The following MTUS2 variants were observed in gnomAD, a reference collection of about 807,000 sequenced individuals.
MTUS2 encodes microtubule-associated tumor suppressor candidate 2.
MTUS2 carries 40 observed loss-of-function variants against 114.1 expected under a neutral mutation model. That is an observed-to-expected ratio of 0.35 (90% CI 0.27 to 0.46). MTUS2 has a LOEUF of 0.46. Ranked by LOEUF, MTUS2 falls within the 20% of genes least tolerant of loss-of-function variation. The probability of loss-of-function intolerance (pLI) is 1.00; values close to 1 mark genes in which losing one functional copy is unlikely to be tolerated. For missense variants in MTUS2, 1,679 were observed against 1,705.4 expected (o/e 0.98, Z 0.27); for synonymous variants, 688 against 672.0 (o/e 1.02, Z -0.37).
chr13:29,169,049 C>A (rs1758083691), intron 5 of MTUS2, among the ~76,000 whole-genome samples: 1 of 152,104 alleles, frequency 6.6e-6, no homozygotes, highest in African/African-American at 2.4e-5. Context: ...TTGTGACCTG[C>A]CCAAAAACTT....
intron 2 of MTUS2, among the ~76,000 whole-genome samples, chr13:28,934,690 A>G (rs754864571): frequency 1.3e-5 from 2 of 152,110 alleles, no homozygotes; most frequent in East Asian, 1.9e-4. Context: ...TGCCTTGCTA[A>G]TTTGGTATTT....
At chr13:28,870,951 G>A (rs899002278) in intron 2 of MTUS2, among the ~76,000 whole-genome samples, 30 of 152,148 alleles carry the variant, frequency 2.0e-4, no homozygotes, top group Non-Finnish European at 3.1e-4. Flanking sequence ...TAGCAAAGGA[G>A]GGAATTTTGG....
chr13:28,831,736 TCTTC>T (rs950396733), intron 1 of MTUS2, among the ~76,000 whole-genome samples: 8 of 150,936 alleles, frequency 5.3e-5, no homozygotes, highest in African/African-American at 1.7e-4. Flanking sequence ...TTCCTTCCTT[TCTTC>T]CTTCCTTCCT....
chr13:29,060,062 C>T (rs1259297540), intron 4 of MTUS2, among the ~76,000 whole-genome samples: 2 of 152,228 alleles, frequency 1.3e-5, no homozygotes, highest in Non-Finnish European at 2.9e-5. Flanking sequence ...GCTGCAGCTG[C>T]CAGCCAAGTT....
intron 7 of MTUS2, among the ~76,000 whole-genome samples, chr13:29,325,487 A>AGG (rs1460957029): frequency 2.5e-5 from 3 of 122,334 alleles, no homozygotes; most frequent in Non-Finnish European, 3.4e-5. Context: ...AAGAAGAGGA[A>AGG]GAGGGAGGAG....
chr13:28,972,194 G>A (rs1260158571), intron 2 of MTUS2, among the ~76,000 whole-genome samples: 1 of 152,188 alleles, frequency 6.6e-6, no homozygotes, highest in Non-Finnish European at 1.5e-5. Flanking sequence ...TATTTGGAAG[G>A]TGAGGAGGGT....
intron 2 of MTUS2, among the ~76,000 whole-genome samples, chr13:28,886,041 G>A (rs1456315719): frequency 6.6e-6 from 1 of 152,124 alleles, no homozygotes; most frequent in Non-Finnish European, 1.5e-5. Flanking sequence ...GAGTCTCCAA[G>A]CCCCAGATTG....
chr13:29,350,844 C>T (rs556091871), intron 7 of MTUS2, among the ~76,000 whole-genome samples: 1 of 139,950 alleles, frequency 7.1e-6, no homozygotes, highest in African/African-American at 3.3e-5. Flanking sequence ...TCTCATATTT[C>T]TTCTTATAAG....
At chr13:28,906,055 G>A (rs148842727) in intron 2 of MTUS2, among the ~76,000 whole-genome samples, 1 of 151,568 alleles carries the variant, frequency 6.6e-6, no homozygotes, top group Non-Finnish European at 1.5e-5. Context: ...GTTGTTTGTA[G>A]TATTCTCTGA....
chr13:29,077,143 CTTTG>C (rs1889227670), intron 4 of MTUS2, among the ~76,000 whole-genome samples: 2 of 152,252 alleles, frequency 1.3e-5, no homozygotes, highest in African/African-American at 2.4e-5. Context: ...ACTTCTCTTG[CTTTG>C]TTTAATTGTG....
intron 5 of MTUS2, among the ~76,000 whole-genome samples, chr13:29,193,631 G>A (rs1894539564): frequency 6.6e-6 from 1 of 152,144 alleles, no homozygotes; most frequent in Admixed American, 6.5e-5. Context: ...ATGCTCGTAG[G>A]TAGGAAGAAT....
chr13:29,288,509 G>A (rs938413178), intron 6 of MTUS2, among the ~76,000 whole-genome samples: 2 of 152,178 alleles, frequency 1.3e-5, no homozygotes, highest in Non-Finnish European at 2.9e-5. Context: ...TTTAGAATGA[G>A]TGACACTTGC....
chr13:28,980,314 T>C (rs1027954405), intron 2 of MTUS2, among the ~76,000 whole-genome samples: 37 of 152,216 alleles, frequency 2.4e-4, no homozygotes, highest in African/African-American at 8.9e-4. Context: ...GTTAAAAAAG[T>C]TAAGAGAGAC....
chr13:28,887,325 C>G (rs188831557), intron 2 of MTUS2, among the ~76,000 whole-genome samples: 1 of 152,252 alleles, frequency 6.6e-6, no homozygotes, highest in Admixed American at 6.5e-5. Context: ...TCGCCCCTTT[C>G]GGCTCCCTGG....
chr13:29,288,394 A>C (rs1424249249), intron 6 of MTUS2, among the ~76,000 whole-genome samples: 2 of 152,146 alleles, frequency 1.3e-5, no homozygotes, highest in African/African-American at 2.4e-5. Context: ...CAGCTGAGGA[A>C]ATGGAAGCCA....
chr13:29,389,142 CAGAG>C (rs1276739919), intron 8 of MTUS2, among the ~76,000 whole-genome samples: 11 of 151,220 alleles, frequency 7.3e-5, no homozygotes, highest in African/African-American at 2.2e-4. Flanking sequence ...GTTTTCCTGA[CAGAG>C]AGGAGAAACC....
intron 8 of MTUS2, among the ~76,000 whole-genome samples, chr13:29,362,480 C>T (rs4564429): frequency 0.63 from 95,103 of 151,670 alleles, 30,585 homozygotes; most frequent in South Asian, 0.74. Context: ...CAGGCTCGAG[C>T]AGCCTGGCCA....
chr13:29,184,421 G>T (rs1367329088), intron 5 of MTUS2, among the ~76,000 whole-genome samples: 3 of 151,992 alleles, frequency 2.0e-5, no homozygotes, highest in Admixed American at 6.5e-5. Context: ...TCTACCTAGG[G>T]CTGTGTGCAT....
chr13:29,146,279 A>G (rs1338636895), intron 5 of MTUS2, among the ~76,000 whole-genome samples: 2 of 152,218 alleles, frequency 1.3e-5, no homozygotes, highest in African/African-American at 4.8e-5. Context: ...TATTTTAGAA[A>G]TTGAGAATTT....
Sources: allele counts gnomAD v4.1 joint callset (sites outside exome capture counted in the v4.1 genomes callset), GRCh38; gene constraint gnomAD v4.1.1; transcripts MANE v1.5; gene names NCBI Gene and HGNC (gene_info 2026-07-23, HGNC 2026-07-21).